Variants in FIRRM observed in about 807,000 individuals in gnomAD.
FIRRM encodes FIGNL1-interacting regulator of recombination and mitosis.
At chr1:169,786,200 A>C in the FIRRM span, among the ~76,000 whole-genome samples, 1 of 152,190 alleles carries the variant, frequency 6.6e-6, no homozygotes, top group Admixed American at 6.5e-5. Flanking sequence ...TAATATTTAA[A>C]ATACAGGCTT....
At chr1:169,801,518 A>G in the FIRRM span, among the ~76,000 whole-genome samples, 1 of 147,604 alleles carries the variant, frequency 6.8e-6, no homozygotes, top group Non-Finnish European at 1.5e-5. Flanking sequence ...AATTTAAATT[A>G]TTTGTAGTCA....
the FIRRM span, chr1:169,849,730 A>G: frequency 7.2e-5 from 50 of 695,830 alleles, no homozygotes; most frequent in Non-Finnish European, 1.1e-4. Context: ...TCTGAAGGGT[A>G]CATTACTCGT....
the FIRRM span, chr1:169,851,611 A>G: frequency 3.2e-6 from 2 of 623,678 alleles, no homozygotes; most frequent in Admixed American, 3.4e-5. Context: ...TGCAAAGACA[A>G]CTCTATAACT....
the FIRRM span, among the ~76,000 whole-genome samples, chr1:169,819,685 C>A: frequency 6.8e-6 from 1 of 147,660 alleles, no homozygotes; most frequent in African/African-American, 2.5e-5. Flanking sequence ...TTAAAACGTC[C>A]TTTTAAATCC....
the FIRRM span, among the ~76,000 whole-genome samples, chr1:169,796,322 A>G: frequency 2.0e-5 from 3 of 152,382 alleles, no homozygotes; most frequent in South Asian, 4.1e-4. Flanking sequence ...TTGGGAGAAC[A>G]GAGACACGGA....
the FIRRM span, chr1:169,852,727 C>A: frequency 1.9e-6 from 3 of 1,551,182 alleles, no homozygotes; most frequent in Admixed American, 3.5e-5. Flanking sequence ...TTACTCCAGT[C>A]CAAAAGGAAG....
the FIRRM span, chr1:169,793,901 G>T: frequency 1.9e-4 from 63 of 333,014 alleles, no homozygotes; most frequent in East Asian, 3.7e-4. Context: ...AGCAGCTCTG[G>T]AAAGAAAAAA....
chr1:169,852,382 G>A, the FIRRM span: 1 of 272,724 alleles, frequency 3.7e-6, no homozygotes, highest in South Asian at 4.4e-5. Context: ...ATATTGTTTT[G>A]AGCACTATTA....
At chr1:169,795,092 T>C in the FIRRM span, 3 of 1,534,244 alleles carry the variant, frequency 2.0e-6, no homozygotes, top group Non-Finnish European at 2.6e-6. Flanking sequence ...GCTCTCCTGT[T>C]TGACGAAAGT....
the FIRRM span, among the ~76,000 whole-genome samples, chr1:169,815,339 G>A: frequency 6.6e-6 from 1 of 151,890 alleles, no homozygotes; most frequent in African/African-American, 2.4e-5. Flanking sequence ...TACTCCATAG[G>A]TGGAGCAACC....
At chr1:169,788,362 A>T in the FIRRM span, among the ~76,000 whole-genome samples, 1 of 152,234 alleles carries the variant, frequency 6.6e-6, no homozygotes, top group Non-Finnish European at 1.5e-5. Flanking sequence ...ATGATGATCC[A>T]CTTCCACTTA....
chr1:169,832,308 C>A, the FIRRM span: 2 of 679,580 alleles, frequency 2.9e-6, no homozygotes, highest in Non-Finnish European at 5.2e-6. Context: ...TACCTACAAT[C>A]TTTTCCCCTA....
chr1:169,823,259 AAAAAG>A, the FIRRM span: 2,522 of 496,930 alleles, frequency 5.1e-3, 33 homozygotes, highest in African/African-American at 0.042. Flanking sequence ...TCAAAAAAAA[AAAAAG>A]AAAAGAAAAG....
the FIRRM span, chr1:169,852,089 C>A: frequency 9.6e-7 from 1 of 1,041,988 alleles, no homozygotes; most frequent in Non-Finnish European, 1.4e-6. Flanking sequence ...ATGGTAGTTG[C>A]TTTTAAAATT....
chr1:169,804,593 A>T, the FIRRM span, among the ~76,000 whole-genome samples: 2 of 152,376 alleles, frequency 1.3e-5, no homozygotes, highest in East Asian at 3.9e-4. Flanking sequence ...AAATACGTGC[A>T]TATGTGTATG....
At chr1:169,802,076 A>G in the FIRRM span, among the ~76,000 whole-genome samples, 2 of 152,346 alleles carry the variant, frequency 1.3e-5, no homozygotes, top group Middle Eastern at 6.8e-3. Flanking sequence ...AGATCCAAGT[A>G]TTAAGATCTA....
At chr1:169,811,267 T>C in the FIRRM span, among the ~76,000 whole-genome samples, 1 of 152,234 alleles carries the variant, frequency 6.6e-6, no homozygotes, top group Non-Finnish European at 1.5e-5. Flanking sequence ...ATAATGCTTT[T>C]AGAAATTTGT....
At chr1:169,791,306 G>C in the FIRRM span, among the ~76,000 whole-genome samples, 1 of 152,212 alleles carries the variant, frequency 6.6e-6, no homozygotes, top group Non-Finnish European at 1.5e-5. Context: ...CTTCATATTA[G>C]AGTTGTGAAT....
At chr1:169,815,341 G>A in the FIRRM span, among the ~76,000 whole-genome samples, 2 of 151,810 alleles carry the variant, frequency 1.3e-5, no homozygotes, top group African/African-American at 4.8e-5. Flanking sequence ...CTCCATAGGT[G>A]GAGCAACCCC....
Sources: allele counts gnomAD v4.1 joint callset (sites outside exome capture counted in the v4.1 genomes callset), GRCh38; gene constraint gnomAD v4.1.1; transcripts MANE v1.5; gene names NCBI Gene and HGNC (gene_info 2026-07-23, HGNC 2026-07-21).